Variants in WLS observed in about 807,000 individuals in gnomAD.
The protein encoded by WLS is Wnt ligand secretion mediator, also known as protein wntless homolog.
In WLS, 23 loss-of-function variants were observed where a neutral mutation model predicts 62.8. The ratio of observed to expected loss-of-function variants is 0.37; its 90% CI spans 0.26 to 0.52. WLS has a LOEUF of 0.52. WLS is among the 20% of genes least tolerant of loss of function. WLS has a pLI of 0.92. For missense variants in WLS, 615 were observed against 697.3 expected, an observed-to-expected ratio of 0.88 and a Z score of 1.33; for synonymous variants, 246 against 244.1, an observed-to-expected ratio of 1.01 and a Z score of -0.07.
At chr1:68,223,372 T>G (rs1051971861) in intron 1 of WLS, among the ~76,000 whole-genome samples, 1 of 152,210 alleles carries the variant, frequency 6.6e-6, no homozygotes, top group Non-Finnish European at 1.5e-5. Flanking sequence ...CTCCTTAAAC[T>G]TTCAAACCCA....
chr1:68,131,989 T>G (rs4655576), intron 11 of WLS, among the ~76,000 whole-genome samples: 87,009 of 152,072 alleles, frequency 0.57, 25,848 homozygotes, highest in South Asian at 0.65. Flanking sequence ...AAAACAAGCT[T>G]CTGTTGTTTA....
chr1:68,203,461 G>C (rs550210106), intron 1 of WLS, among the ~76,000 whole-genome samples: 2 of 152,234 alleles, frequency 1.3e-5, no homozygotes, highest in Non-Finnish European at 2.9e-5. Flanking sequence ...ACTGGGCTGG[G>C]TGTCACTCAA....
intron 1 of WLS, chr1:68,201,952 A>G (rs1411790019): frequency 6.6e-6 from 1 of 152,246 alleles, no homozygotes; most frequent in Non-Finnish European, 1.5e-5. Context: ...TGAAAATATC[A>G]TATGTTTACA....
intron 1 of WLS, among the ~76,000 whole-genome samples, chr1:68,201,239 T>A (rs1431763658): frequency 3.3e-5 from 5 of 152,166 alleles, no homozygotes; most frequent in Non-Finnish European, 5.9e-5. Flanking sequence ...TGAAAGTCAG[T>A]TCCTAAAAAG....
intron 11 of WLS, among the ~76,000 whole-genome samples, chr1:68,130,708 ATGTTAAAGAACAAAATAG>A (rs1365585872): frequency 6.6e-6 from 1 of 152,168 alleles, no homozygotes. Context: ...TATGATTGTT[ATGTTAAAGAACAAAATAG>A]TGTCGCTGGT....
intron 1 of WLS, among the ~76,000 whole-genome samples, chr1:68,225,569 A>G (rs1650108708): frequency 6.6e-6 from 1 of 152,224 alleles, no homozygotes; most frequent in Admixed American, 6.5e-5. Context: ...TCAATAGAGA[A>G]ATCTATTAGC....
chr1:68,148,256 CT>C, intron 7 of WLS, 57 bp from the exon 8 acceptor site: 2 of 1,571,500 alleles, frequency 1.3e-6, no homozygotes, highest in Non-Finnish European at 1.8e-6. Context: ...GCAACGGGAA[CT>C]TTCCTTTTCA....
At chr1:68,182,933 C>T (rs1274729992) in intron 2 of WLS, among the ~76,000 whole-genome samples, 6 of 152,168 alleles carry the variant, frequency 3.9e-5, no homozygotes, top group Non-Finnish European at 7.3e-5. Context: ...GACAGAGTTG[C>T]TCTGTTGCCC....
chr1:68,194,017 C>A lies in WLS; in HGVS notation c.317G>T (p.Trp106Leu). The change falls in exon 2 of 12, where the codon TGG (tryptophan) becomes TTG (leucine). Residue 106 changes from tryptophan to leucine, a missense_variant. Physicochemically the swap from Trp to Leu is moderately conservative, Grantham distance 61 (BLOSUM62 -2). Coordinates refer to ENST00000262348, the MANE Select transcript of WLS (RefSeq NM_024911.7). ...CAGGATAAACAGCATGAATTGGAAC[C>A]AAGGACTCATCTCCATGTGGGGGAG... ...IPLPHMEMSP[W>L]FQFMLFILQL... 1 of 1,614,128 alleles carries A rather than the reference C, an allele frequency of 6.2e-7. No individual in the cohort carries two copies. Among genetic ancestry groups the A allele is most frequent in the Non-Finnish European group, 8.5e-7 (1 of 1,180,024 alleles).
intron 5 of WLS, among the ~76,000 whole-genome samples, chr1:68,152,323 G>C (rs1186681144): frequency 2.0e-5 from 3 of 151,722 alleles, no homozygotes; most frequent in African/African-American, 7.3e-5. Context: ...AGACCACAAA[G>C]GTAGGTGAAA....
chr1:68,226,860 A>C (rs919485913), intron 1 of WLS, among the ~76,000 whole-genome samples: 12 of 152,346 alleles, frequency 7.9e-5, no homozygotes, highest in South Asian at 2.1e-4. Flanking sequence ...TTTATGAGGA[A>C]TATAAGGTAA....
intron 1 of WLS, among the ~76,000 whole-genome samples, chr1:68,224,730 G>C (rs1650072929): frequency 6.6e-6 from 1 of 152,096 alleles, no homozygotes; most frequent in Non-Finnish European, 1.5e-5. Flanking sequence ...ACCATGCAGT[G>C]ATATGAGTGC....
chr1:68,107,827 G>A (rs1332967826), intron 11 of WLS, among the ~76,000 whole-genome samples: 1 of 152,164 alleles, frequency 6.6e-6, no homozygotes, highest in African/African-American at 2.4e-5. Flanking sequence ...AACGGTAGAA[G>A]CGGCAGCACA....
downstream of WLS, among the ~76,000 whole-genome samples, chr1:68,123,296 G>A (rs1646385846): frequency 6.6e-6 from 1 of 152,140 alleles, no homozygotes; most frequent in South Asian, 2.1e-4. Flanking sequence ...AACCTCTGAG[G>A]ACATCTAACG....
chr1:68,098,554 T>C, exon 12 of WLS: 1 of 1,565,178 alleles, frequency 6.4e-7, no homozygotes, highest in South Asian at 1.2e-5. Flanking sequence ...AGTGTATTTG[T>C]GTGCGTATAC....
At chr1:68,128,187 G>A (rs1646464087) in intron 11 of WLS, among the ~76,000 whole-genome samples, 1 of 152,192 alleles carries the variant, frequency 6.6e-6, no homozygotes, top group African/African-American at 2.4e-5. Flanking sequence ...CCTCAAGCCA[G>A]AGCATAGATG....
chr1:68,158,753 C>T (rs1646933770), intron 3 of WLS, among the ~76,000 whole-genome samples: 1 of 152,146 alleles, frequency 6.6e-6, no homozygotes. Flanking sequence ...GTACTCTTAT[C>T]TCATCTTGCA....
chr1:68,159,302 A>G (rs780990135), intron 2 of WLS, 55 bp from the exon 3 acceptor site: 98 of 1,583,232 alleles, frequency 6.2e-5, no homozygotes, highest in Non-Finnish European at 7.7e-5. Flanking sequence ...ATATTTTAGA[A>G]ACAGCTCAAA....
intron 1 of WLS, among the ~76,000 whole-genome samples, chr1:68,220,850 C>T (rs1649911182): frequency 6.6e-6 from 1 of 152,180 alleles, no homozygotes; most frequent in African/African-American, 2.4e-5. Context: ...TACAGAGCTG[C>T]TTTATGTAAC....
Sources: gnomAD v4.1 joint callset for allele counts (sites outside exome capture counted in the v4.1 genomes callset) on GRCh38, gnomAD v4.1.1 for gene constraint, MANE v1.5 for transcripts, NCBI Gene and HGNC (gene_info 2026-07-23, HGNC 2026-07-21) for gene names.